Variants in PCDHA9 observed in about 807,000 individuals in gnomAD.
PCDHA9 encodes protocadherin alpha 9, also known as protocadherin alpha-9.
Under a neutral mutation model 62.0 loss-of-function variants are expected in PCDHA9, and 62 were observed. The ratio of observed to expected loss-of-function variants is 1.00; its 90% CI spans 0.81 to 1.23. The LOEUF is 1.23. Among genes scored for constraint, PCDHA9 ranks in the 50% most tolerant of loss-of-function variants. PCDHA9 has a pLI of 0.00. For synonymous variants in PCDHA9, 557 were observed against 567.6 expected (o/e 0.98, Z 0.27); for missense variants, 1,205 against 1,249.8 (o/e 0.96, Z 0.54).
chr5:141,010,136 CTCTT>C lies in PCDHA9; in HGVS notation c.*203_*206del, dbSNP rs782073868. The C allele has an allele frequency of 1.9e-6, 3 of 1,594,824 alleles. No homozygotes were observed. Among genetic ancestry groups the C allele is most frequent in the Non-Finnish European group, 2.6e-6 (3 of 1,169,724 alleles). On this transcript the variant is annotated 3_prime_UTR_variant, in exon 4 of 4. Transcript: ENST00000532602. ...AAAGCTTTACTAAGTCTGGTGTTAACTCTTTCTCTCCACTCTGGCTTGTTTTCAG... is the reference window on the plus strand; with the variant it reads ...AAAGCTTTACTAAGTCTGGTGTTAACTCTCTCCACTCTGGCTTGTTTTCAG...
At chr5:141,004,705 C>T (rs535016776) in intron 3 of PCDHA9, among the ~76,000 whole-genome samples, 5 of 152,154 alleles carry the variant, frequency 3.3e-5, no homozygotes, top group Admixed American at 6.5e-5. Context: ...TTTTAGGTGC[C>T]GAATCAGAGG....
intron 1 of PCDHA9, among the ~76,000 whole-genome samples, chr5:140,956,551 C>G (rs995941205): frequency 1.3e-5 from 2 of 152,148 alleles, no homozygotes; most frequent in Non-Finnish European, 2.9e-5. Flanking sequence ...ATTTGGTTTG[C>G]CAGTATCTTA....
rs2150425663 is a variant in PCDHA9, at chr5:140,848,940, G to A, written c.445G>A (p.Asp149Asn). Residue 149 changes from aspartate to asparagine, a missense_variant, in exon 1 of 4, where the codon GAC becomes AAC. Around this residue, in one of 3 missense-constraint regions of PCDHA9, gnomAD observed 208 missense variants for 213.2 expected, o/e 0.98. Coordinates refer to ENST00000532602, the MANE Select transcript of PCDHA9 (RefSeq NM_031857.2). ...NLFIAESRPL[D>N]SRFPLEGASD... The stretch of plus-strand genomic sequence containing the variant: ...GTTCATCGCGGAATCCAGGCCGCTT[G>A]ACTCTCGGTTTCCACTAGAGGGCGC... 7.5e-6 allele frequency: 12 copies of A among 1,607,456 alleles called. No individual in the cohort carries two copies. In the South Asian group the frequency reaches 1.2e-4, roughly 16 times the overall value.
chr5:140,888,129 A>G (rs2061706592), intron 1 of PCDHA9, among the ~76,000 whole-genome samples: 2 of 152,024 alleles, frequency 1.3e-5, no homozygotes, highest in Admixed American at 1.3e-4. Flanking sequence ...CTATGGATAT[A>G]TTTTCTTGCT....
chr5:141,006,405 C>T (rs782532612), intron 3 of PCDHA9, among the ~76,000 whole-genome samples: 28 of 151,916 alleles, frequency 1.8e-4, no homozygotes, highest in Middle Eastern at 6.8e-3. Context: ...AGTAGAGACG[C>T]GGTTTCACTG....
Position 140,850,114 on chromosome 5 carries a change from C to T in PCDHA9, c.1619C>T (p.Ala540Val), listed in dbSNP as rs2150468329. 1.3e-6 allele frequency: 2 copies of T among 1,595,992 alleles called. No individual in the cohort carries two copies. The highest frequency in any genetic ancestry group is 1.7e-6 in the Non-Finnish European group (2 of 1,167,846). The change falls in exon 1 of 4, where the codon GCG (alanine) becomes GTG (valine). Residue 540 changes from alanine to valine, a missense_variant. Physicochemically the swap from Ala to Val is moderately conservative, Grantham distance 64. This residue lies in a region of PCDHA9 where 887 missense variants were observed against 809.5 expected (regional missense o/e 1.10). Coordinates refer to ENST00000532602, the MANE Select transcript of PCDHA9 (RefSeq NM_031857.2). The part of the protein sequence containing the change: ...LLQFQVSARD[A>V]GVPPLGSNVT... Reference sequence around the variant, plus strand: ...CAGTTCCAGGTGAGCGCGCGCGACGCGGGCGTGCCGCCTCTGGGCAGCAAC... The same window carrying T: ...CAGTTCCAGGTGAGCGCGCGCGACGTGGGCGTGCCGCCTCTGGGCAGCAAC...
At position 140,876,440 on chromosome 5, in the gene PCDHA9, T is replaced by C. The variant is rs369023443; in HGVS notation, c.2394+25551T>C. 23 of 1,613,876 alleles carry C rather than the reference T, an allele frequency of 1.4e-5. No individual in the cohort carries two copies. In the Admixed American group the frequency reaches 1.5e-4, roughly 11 times the overall value. On this transcript the variant is annotated intron_variant, in intron 1 of 3. Transcript: ENST00000532602. ...GCCTATGAAATTCAGGTTAACGCCA[T>C]TGATAAAGGGATTCCTTCCATGGCA...
intron 1 of PCDHA9, among the ~76,000 whole-genome samples, chr5:140,907,353 A>C (rs1312030991): frequency 3.3e-5 from 5 of 152,234 alleles, no homozygotes; most frequent in Non-Finnish European, 7.3e-5. Flanking sequence ...CCGCTGCTGC[A>C]CTTCTTTAGT....
chr5:140,857,855 A>T, intron 1 of PCDHA9: 1 of 1,597,468 alleles, frequency 6.3e-7, no homozygotes, highest in Non-Finnish European at 8.6e-7. Context: ...CTCTGGATAC[A>T]ACGCGTGGCT....
At position 141,009,688 on chromosome 5, in the gene PCDHA9, C is replaced by A. The variant is rs2098413722; in HGVS notation, c.2604C>A (p.Thr868=). 1 of 1,613,960 alleles carries A rather than the reference C, an allele frequency of 6.2e-7. No individual in the cohort carries two copies. Among genetic ancestry groups the A allele is most frequent in the Admixed American group, 1.7e-5 (1 of 59,994 alleles). ...CGGGTGTCAACAGCAACAGCTGGAC[C>A]TTTAAATACGGACCAGGCAACCCCA... ...VGAGVNSNSW[T]FKYGPGNPKQ... is the part of the protein sequence containing the mutation. Residue 868 remains threonine, a synonymous_variant, in exon 4 of 4, where the codon ACC becomes ACA. Transcript: ENST00000532602.
chr5:140,943,276 AAGAAAG>A (rs2093462778), intron 1 of PCDHA9, among the ~76,000 whole-genome samples: 3 of 135,982 alleles, frequency 2.2e-5, no homozygotes, highest in African/African-American at 8.7e-5. Flanking sequence ...AAAAAAAAAA[AAGAAAG>A]AAAGAATTAA....
chr5:140,875,028 G>C (rs1321534427), intron 1 of PCDHA9, among the ~76,000 whole-genome samples: 1 of 152,198 alleles, frequency 6.6e-6, no homozygotes, highest in Non-Finnish European at 1.5e-5. Flanking sequence ...CTGGCCTACT[G>C]TATTTGAAAG....
intron 1 of PCDHA9, among the ~76,000 whole-genome samples, chr5:140,957,274 C>A (rs1251520860): frequency 6.6e-6 from 1 of 152,104 alleles, no homozygotes; most frequent in South Asian, 2.1e-4. Context: ...ACTAGTCCCC[C>A]CTTACCTGCA....
intron 1 of PCDHA9, chr5:140,863,494 C>A (rs1203332871): frequency 2.3e-5 from 10 of 442,506 alleles, no homozygotes; most frequent in African/African-American, 1.6e-4. Context: ...GTCAACATTA[C>A]GGCTTTTAGT....
intron 3 of PCDHA9, among the ~76,000 whole-genome samples, chr5:140,983,623 GA>G (rs1554245569): frequency 6.6e-6 from 1 of 152,202 alleles, no homozygotes; most frequent in African/African-American, 2.4e-5. Flanking sequence ...GAGAGATTAA[GA>G]AATGTACCCA....
At chr5:141,003,676 C>T (rs2098133802) in intron 3 of PCDHA9, among the ~76,000 whole-genome samples, 2 of 152,124 alleles carry the variant, frequency 1.3e-5, no homozygotes, top group East Asian at 1.9e-4. Context: ...ATATGTTGTT[C>T]TGATTTTAAA....
At chr5:140,973,599 T>C (rs952944512) in intron 1 of PCDHA9, among the ~76,000 whole-genome samples, 7 of 152,258 alleles carry the variant, frequency 4.6e-5, no homozygotes, top group African/African-American at 1.4e-4. Flanking sequence ...GATGGAATTA[T>C]GGCTGAGCTC....
chr5:140,877,713 T>C (rs2057302382), intron 1 of PCDHA9: 1 of 1,613,318 alleles, frequency 6.2e-7, no homozygotes, highest in African/African-American at 1.3e-5. Flanking sequence ...CCGTGGGGAG[T>C]TGGTCTTACT....
Position 140,849,664 on chromosome 5 carries a change from C to G in PCDHA9, c.1169C>G (p.Thr390Arg). ...AACGGGCAGGTTACCTGCTCCCTGACGCCCCACGTCCCCTTCAAGCTGGTG... is the reference window on the plus strand; with the variant it reads ...AACGGGCAGGTTACCTGCTCCCTGAGGCCCCACGTCCCCTTCAAGCTGGTG... ...DANGQVTCSLTPHVPFKLVST... is the reference protein window; with the variant it reads ...DANGQVTCSLRPHVPFKLVST... The change falls in exon 1 of 4, where the codon ACG (threonine) becomes AGG (arginine). Residue 390 changes from threonine to arginine, a missense_variant. Around this residue, in one of 3 missense-constraint regions of PCDHA9, gnomAD observed 887 missense variants for 809.5 expected, o/e 1.10. Transcript: ENST00000532602. 1 of 1,598,668 alleles carries G rather than the reference C, an allele frequency of 6.3e-7. No individual in the cohort carries two copies. The highest frequency in any genetic ancestry group is 8.6e-7 in the Non-Finnish European group (1 of 1,167,966).
Sources: allele counts gnomAD v4.1 joint callset (sites outside exome capture counted in the v4.1 genomes callset), GRCh38; gene constraint gnomAD v4.1.1; regional missense constraint gnomAD v4.1.1; transcripts MANE v1.5; gene names NCBI Gene and HGNC (gene_info 2026-07-23, HGNC 2026-07-21).